Variants in ZNF800 observed in about 807,000 individuals in gnomAD.
ZNF800 encodes zinc finger protein 800.
In ZNF800, 13 loss-of-function variants were observed where a neutral mutation model predicts 59.5. The ratio of observed to expected loss-of-function variants is 0.22; its 90% CI spans 0.14 to 0.35. The LOEUF is 0.35. Ranked by LOEUF, ZNF800 falls within the 10% of genes least tolerant of loss-of-function variation. ZNF800 has a pLI of 1.00. For missense variants in ZNF800, 621 were observed against 783.7 expected (o/e 0.79, Z 2.48); for synonymous variants, 266 against 265.7 (o/e 1.00, Z -0.01).
chr7:127,373,701 T>C lies in ZNF800; in HGVS notation c.1635A>G (p.Ser545=). The C allele has an allele frequency of 6.2e-7, 1 of 1,614,202 alleles. No individual in the cohort carries two copies. The highest frequency in any genetic ancestry group is 1.1e-5 in the South Asian group (1 of 91,080). ...CTGTTATTTTCCCAAGATAACGAGA[T>C]GACTTTTTATGAACCACAGTTATAT... is the stretch of plus-strand genomic sequence containing the variant. The part of the protein sequence containing the change: ...IRHITVVHKK[S]SRYLGKITAS... The change falls in exon 5 of 6, where the codon TCA becomes TCG. Residue 545 remains serine (S), a synonymous_variant. Transcript: ENST00000265827.
At chr7:127,388,457 T>C (rs559402485) in intron 2 of ZNF800, among the ~76,000 whole-genome samples, 1 of 152,290 alleles carries the variant, frequency 6.6e-6, no homozygotes, top group East Asian at 1.9e-4. Flanking sequence ...CCCACACTAC[T>C]GTAAAAAACT....
intron 3 of ZNF800, among the ~76,000 whole-genome samples, chr7:127,385,334 G>T (rs1197236543): frequency 6.6e-6 from 1 of 152,162 alleles, no homozygotes; most frequent in Non-Finnish European, 1.5e-5. Flanking sequence ...ACAAGGGGTG[G>T]ACAAGTGGAT....
At chr7:127,378,823 T>C (rs1010659732) in intron 3 of ZNF800, among the ~76,000 whole-genome samples, 7 of 151,962 alleles carry the variant, frequency 4.6e-5, no homozygotes, top group African/African-American at 4.8e-5. Context: ...CTTTACTAAG[T>C]CTTGAGAGAT....
intron 3 of ZNF800, among the ~76,000 whole-genome samples, chr7:127,379,699 C>T (rs926266481): frequency 7.2e-5 from 11 of 152,056 alleles, no homozygotes; most frequent in Non-Finnish European, 1.5e-4. Context: ...CTTAATTAGT[C>T]CTAATTATAC....
chr7:127,369,870 T>C (rs1262635932), downstream of ZNF800, among the ~76,000 whole-genome samples: 1 of 151,946 alleles, frequency 6.6e-6, no homozygotes, highest in African/African-American at 2.4e-5. Context: ...TCTATAGTAT[T>C]TAACAAGCAA....
At chr7:127,382,545 A>C (rs1287217002) in intron 3 of ZNF800, among the ~76,000 whole-genome samples, 2 of 152,196 alleles carry the variant, frequency 1.3e-5, no homozygotes, top group Non-Finnish European at 2.9e-5. Flanking sequence ...CAAACTACAC[A>C]AAGGGTAAGG....
intron 1 of ZNF800, among the ~76,000 whole-genome samples, chr7:127,355,850 A>C (rs1800260516): frequency 6.6e-6 from 1 of 152,110 alleles, no homozygotes; most frequent in Non-Finnish European, 1.5e-5. Flanking sequence ...ATCTAGATCC[A>C]ACTTTTTAAT....
chr7:127,349,416 G>A (rs1800131462), intron 1 of ZNF800, among the ~76,000 whole-genome samples: 1 of 152,116 alleles, frequency 6.6e-6, no homozygotes, highest in South Asian at 2.1e-4. Flanking sequence ...GGGGTTCCAG[G>A]ACTTTGTTAT....
intron 3 of ZNF800, among the ~76,000 whole-genome samples, chr7:127,379,068 T>C (rs892389284): frequency 6.6e-6 from 1 of 152,144 alleles, no homozygotes; most frequent in African/African-American, 2.4e-5. Flanking sequence ...TTTACTCCAC[T>C]AGTCCTTATT....
intron 2 of ZNF800, among the ~76,000 whole-genome samples, chr7:127,390,659 G>T (rs1801280204): frequency 6.6e-6 from 1 of 152,104 alleles, no homozygotes; most frequent in African/African-American, 2.4e-5. Context: ...CAAAAATAAT[G>T]ATAAACATCC....
At chr7:127,349,554 G>A (rs1016200399) in intron 1 of ZNF800, among the ~76,000 whole-genome samples, 1 of 152,160 alleles carries the variant, frequency 6.6e-6, no homozygotes, top group Admixed American at 6.5e-5. Flanking sequence ...ATGTTGCTTT[G>A]TTGCTTAAAC....
intron 1 of ZNF800, among the ~76,000 whole-genome samples, chr7:127,354,641 G>A (rs975110137): frequency 1.2e-4 from 18 of 152,122 alleles, no homozygotes; most frequent in African/African-American, 4.1e-4. Context: ...ACTGAGAGAT[G>A]GGGTAGGGAA....
intron 1 of ZNF800, among the ~76,000 whole-genome samples, chr7:127,356,008 A>G (rs1800263450): frequency 6.6e-6 from 1 of 152,046 alleles, no homozygotes; most frequent in African/African-American, 2.4e-5. Flanking sequence ...ATAAACCAGG[A>G]AATCAAGAGG....
chr7:127,364,557 G>C (rs1800464065), intron 1 of ZNF800: 1 of 152,238 alleles, frequency 6.6e-6, no homozygotes, highest in Middle Eastern at 3.4e-3. Flanking sequence ...GCAGTAACTA[G>C]GTTCAAGGTA....
At chr7:127,383,942 T>C (rs1026723693) in intron 3 of ZNF800, among the ~76,000 whole-genome samples, 2 of 152,090 alleles carry the variant, frequency 1.3e-5, no homozygotes, top group African/African-American at 4.8e-5. Context: ...GTTCAAAACA[T>C]CAACATAAAA....
exon 2 of ZNF800, chr7:127,347,823 G>A (rs1370987369): frequency 1.3e-5 from 2 of 151,782 alleles, no homozygotes; most frequent in African/African-American, 2.4e-5. Context: ...TGCGGAGCGA[G>A]GGCGAGGTCC....
chr7:127,376,672 A>G (rs138147382), intron 4 of ZNF800, among the ~76,000 whole-genome samples: 108 of 152,096 alleles, frequency 7.1e-4, no homozygotes, highest in Admixed American at 2.7e-3. Context: ...AAGACCTAGA[A>G]AATACTAGAA....
Position 127,373,949 on chromosome 7 carries a change from G to A in ZNF800, c.1387C>T (p.Pro463Ser). The A allele has an allele frequency of 1.2e-6, 2 of 1,614,168 alleles. No individual in the cohort carries two copies. Among genetic ancestry groups the A allele is most frequent in the Non-Finnish European group, 1.7e-6 (2 of 1,180,028 alleles). ...TTTTGCTGGCCACCTGCAGCCGACG[G>A]ACTAGTTGATTTAGGGCTTTCAGAG... ...QDSESPKSTSPSAAGGQQKTR... is the reference protein window; with the variant it reads ...QDSESPKSTSSSAAGGQQKTR... The change falls in exon 5 of 6, where the codon CCG becomes TCG. Residue 463 changes from proline (P) to serine (S), a missense_variant. Around this residue, in one of 7 missense-constraint regions of ZNF800, gnomAD observed 185 missense variants for 177.6 expected, o/e 1.04. Transcript: ENST00000265827.
At chr7:127,372,543 GAC>G (rs1554375069) in intron 5 of ZNF800, 1 of 864,134 alleles carries the variant, frequency 1.2e-6, no homozygotes, top group Non-Finnish European at 1.4e-6. Context: ...CTTTTCTTAC[GAC>G]ACACAACCAC....
Sources: gnomAD v4.1 joint callset for allele counts (sites outside exome capture counted in the v4.1 genomes callset) on GRCh38, gnomAD v4.1.1 for gene constraint, gnomAD v4.1.1 regional missense constraint, MANE v1.5 for transcripts, NCBI Gene and HGNC (gene_info 2026-07-23, HGNC 2026-07-21) for gene names.